The following CYP2J2 variants were observed in gnomAD, a reference collection of about 807,000 sequenced individuals.
CYP2J2 encodes cytochrome P450 2J2.
CYP2J2 carries 41 observed loss-of-function variants against 48.8 expected under a neutral mutation model. That is an observed-to-expected ratio of 0.84 (90% CI 0.66 to 1.09). The LOEUF is 1.09. Among genes scored for constraint, CYP2J2 ranks in the 50% least tolerant of loss-of-function variants. The pLI is 0.00. For synonymous variants in CYP2J2, 221 were observed against 227.1 expected (o/e 0.97, Z 0.24); for missense variants, 644 against 617.3 (o/e 1.04, Z -0.46).
chr1:59,946,351 G>T, the CYP2J2 span, among the ~76,000 whole-genome samples: 15 of 152,082 alleles, frequency 9.9e-5, no homozygotes, highest in African/African-American at 3.4e-4. Flanking sequence ...ATCTCTTTCT[G>T]GTCTTTGCTC....
chr1:59,947,156 AT>A, the CYP2J2 span, among the ~76,000 whole-genome samples: 27 of 150,802 alleles, frequency 1.8e-4, no homozygotes, highest in African/African-American at 5.6e-4. Context: ...CTTGAGACTT[AT>A]TTTTTTTTGT....
chr1:59,929,249 CAG>C (rs1315169775), upstream of CYP2J2, among the ~76,000 whole-genome samples: 1 of 152,150 alleles, frequency 6.6e-6, no homozygotes. Context: ...CCTGTCAAGT[CAG>C]TAAACAAATG....
rs200652429 is a variant in CYP2J2 at position 59,901,078 on chromosome 1, G to A, written c.1217C>T (p.Thr406Met). The A allele has an allele frequency of 4.6e-5, 74 of 1,613,928 alleles. 1 individual carries two copies. In the African/African-American group the frequency reaches 6.8e-4, roughly 15 times the overall value. Residue 406 changes from threonine (T) to methionine (M), a missense_variant, in exon 8 of 9, where the codon ACG (threonine) becomes ATG (methionine). By Grantham distance (81) the Thr-to-Met change is moderately conservative (BLOSUM62 -1). Coordinates refer to ENST00000371204, the MANE Select transcript of CYP2J2 (RefSeq NM_000775.4). ...PKGTMILTNL[T>M]ALHRDPTEWA... Reference sequence around the variant, plus strand: ...CTCTGTGGGGTCCCTGTGCAGCGCCGTCAAATTGGTCAGGATCATGGTACC... The same window carrying A: ...CTCTGTGGGGTCCCTGTGCAGCGCCATCAAATTGGTCAGGATCATGGTACC...
the CYP2J2 span, among the ~76,000 whole-genome samples, chr1:59,964,688 AT>A: frequency 6.6e-6 from 1 of 152,238 alleles, no homozygotes; most frequent in African/African-American, 2.4e-5. Flanking sequence ...ATAAGCTTGC[AT>A]TTTAAAAGTT....
chr1:59,903,638 G>A (rs1490131442), intron 7 of CYP2J2, among the ~76,000 whole-genome samples: 1 of 151,258 alleles, frequency 6.6e-6, no homozygotes, highest in African/African-American at 2.4e-5. Context: ...CCCTTGTAAC[G>A]AGCCTACACA....
chr1:59,962,522 C>T, the CYP2J2 span, among the ~76,000 whole-genome samples: 1 of 152,122 alleles, frequency 6.6e-6, no homozygotes, highest in Admixed American at 6.6e-5. Flanking sequence ...AGAATTAGAG[C>T]TGGTAAGATT....
intron 2 of CYP2J2, chr1:59,912,517 T>G: frequency 1.8e-6 from 1 of 543,572 alleles, no homozygotes; most frequent in Non-Finnish European, 3.2e-6. Context: ...ATATGCATTT[T>G]GTTGTGCATT....
chr1:59,904,163 G>C (rs1644345127), intron 7 of CYP2J2, among the ~76,000 whole-genome samples: 1 of 152,206 alleles, frequency 6.6e-6, no homozygotes, highest in East Asian at 1.9e-4. Context: ...ACGAGGTCAA[G>C]AGATCCAGAC....
chr1:59,916,891 T>C (rs1028804114), intron 1 of CYP2J2, among the ~76,000 whole-genome samples: 9 of 152,038 alleles, frequency 5.9e-5, no homozygotes, highest in African/African-American at 2.2e-4. Context: ...GTGTACCAAG[T>C]ATGGACTTCT....
chr1:59,893,634 T>C lies in CYP2J2; in HGVS notation c.*17A>G, dbSNP rs759294119. The C allele has an allele frequency of 2.6e-6, 4 of 1,565,426 alleles. No individual in the cohort carries two copies. Among genetic ancestry groups the C allele is most frequent in the Middle Eastern group, 3.4e-4 (2 of 5,850 alleles). ...CATGTCTTCTTACTTTCCTTGCCCC[T>C]TTCTTTCTTAACAATATTACACCTG... On this transcript the variant is annotated 3_prime_UTR_variant, in exon 9 of 9. Coordinates refer to ENST00000371204, the MANE Select transcript of CYP2J2 (RefSeq NM_000775.4).
the CYP2J2 span, among the ~76,000 whole-genome samples, chr1:59,955,281 TATATATATATCC>T: frequency 3.9e-5 from 4 of 102,716 alleles, no homozygotes; most frequent in Admixed American, 9.3e-5. Flanking sequence ...TATATATCCA[TATATATATATCC>T]ATATATATAT....
the CYP2J2 span, among the ~76,000 whole-genome samples, chr1:59,941,827 A>C: frequency 6.6e-6 from 1 of 152,200 alleles, no homozygotes; most frequent in Non-Finnish European, 1.5e-5. Context: ...ACAGCTGCAC[A>C]ATATGTGTTT....
the CYP2J2 span, among the ~76,000 whole-genome samples, chr1:59,935,515 C>T: frequency 6.6e-6 from 1 of 151,968 alleles, no homozygotes; most frequent in Non-Finnish European, 1.5e-5. Flanking sequence ...ACATTGTTCA[C>T]CTTGAATATA....
chr1:59,929,289 G>C (rs1644591920), upstream of CYP2J2, among the ~76,000 whole-genome samples: 1 of 152,208 alleles, frequency 6.6e-6, no homozygotes. Context: ...AATTGGGAGA[G>C]AAGAGCAGAT....
At chr1:59,907,682 T>C in intron 6 of CYP2J2, 104 bp downstream of exon 6, 1 of 1,276,712 alleles carries the variant, frequency 7.8e-7, no homozygotes, top group Non-Finnish European at 1.1e-6. Flanking sequence ...CTGTTCTGCC[T>C]CTCTTTTCAT....
the CYP2J2 span, among the ~76,000 whole-genome samples, chr1:59,955,162 TA>T: frequency 6.7e-6 from 1 of 148,492 alleles, no homozygotes; most frequent in East Asian, 2.0e-4. Flanking sequence ...AATAAATAAA[TA>T]AATAAATAAT....
At chr1:59,965,830 C>G in the CYP2J2 span, among the ~76,000 whole-genome samples, 1 of 151,910 alleles carries the variant, frequency 6.6e-6, no homozygotes. Context: ...TTTTGTATTT[C>G]TAGTAGAGAC....
chr1:59,941,662 T>C, the CYP2J2 span, among the ~76,000 whole-genome samples: 1,695 of 152,174 alleles, frequency 0.011, 24 homozygotes, highest in African/African-American at 0.039. Context: ...GATGTGGAGG[T>C]GGAAGACAGT....
the CYP2J2 span, among the ~76,000 whole-genome samples, chr1:59,955,971 A>G: frequency 2.0e-5 from 3 of 152,096 alleles, no homozygotes; most frequent in Non-Finnish European, 4.4e-5. Flanking sequence ...TGCACACATC[A>G]TGACCTCATG....
Sources: allele counts gnomAD v4.1 joint callset (sites outside exome capture counted in the v4.1 genomes callset), GRCh38; gene constraint gnomAD v4.1.1; transcripts MANE v1.5; gene names NCBI Gene and HGNC (gene_info 2026-07-23, HGNC 2026-07-21).